The following GOLPH3L variants were observed in gnomAD, a reference collection of about 807,000 sequenced individuals.
GOLPH3L encodes Golgi phosphoprotein 3-like.
In GOLPH3L, 22 loss-of-function variants were observed where a neutral mutation model predicts 30.3. The ratio of observed to expected loss-of-function variants is 0.73; its 90% CI spans 0.52 to 1.04. The LOEUF (loss-of-function observed/expected upper bound fraction) is 1.04. GOLPH3L is among the 50% of genes least tolerant of loss of function. GOLPH3L has a pLI of 0.00. For missense variants in GOLPH3L, 303 were observed against 345.8 expected (o/e 0.88, Z 0.98); for synonymous variants, 120 against 128.2 (o/e 0.94, Z 0.43).
At chr1:150,650,831 A>G (rs1650087949) in intron 4 of GOLPH3L, among the ~76,000 whole-genome samples, 1 of 152,214 alleles carries the variant, frequency 6.6e-6, no homozygotes, top group African/African-American at 2.4e-5. Context: ...AGTATGAAGT[A>G]TACAAAGAAT....
intron 4 of GOLPH3L, among the ~76,000 whole-genome samples, chr1:150,657,227 G>A (rs1302302331): frequency 6.6e-6 from 1 of 152,144 alleles, no homozygotes; most frequent in African/African-American, 2.4e-5. Context: ...CTCACATTAG[G>A]GCTCATAAAC....
chr1:150,694,895 A>G, intron 1 of GOLPH3L, 45 bp from the exon 2 acceptor site: 1 of 1,011,990 alleles, frequency 9.9e-7, no homozygotes. Flanking sequence ...ATGCTTATGT[A>G]AATAAATCAT....
At chr1:150,695,809 A>G (rs1201269994) in intron 1 of GOLPH3L, among the ~76,000 whole-genome samples, 1 of 152,182 alleles carries the variant, frequency 6.6e-6, no homozygotes, top group East Asian at 1.9e-4. Context: ...TAGCAGCTCT[A>G]GTCCTAGCTA....
chr1:150,686,679 A>G (rs1651093393), intron 2 of GOLPH3L, among the ~76,000 whole-genome samples: 2 of 152,370 alleles, frequency 1.3e-5, no homozygotes, highest in South Asian at 2.1e-4. Flanking sequence ...GAAATGGCTG[A>G]CAGCAAGTTT....
intron 2 of GOLPH3L, among the ~76,000 whole-genome samples, chr1:150,668,866 C>T (rs1650576072): frequency 6.6e-6 from 1 of 152,032 alleles, no homozygotes; most frequent in Non-Finnish European, 1.5e-5. Flanking sequence ...ACATTTTAGC[C>T]AATATTAAAG....
rs771272265 is a variant in GOLPH3L, at chr1:150,648,714, C to G, written c.465G>C (p.Gln155His). 2 of 1,612,538 alleles carry G rather than the reference C, an allele frequency of 1.2e-6. No homozygotes were observed. The highest frequency in any genetic ancestry group is 4.5e-5 in the East Asian group (2 of 44,878). The change falls in exon 5 of 5, where the codon CAG (glutamine) becomes CAC (histidine). Residue 155 changes from glutamine to histidine, a missense_variant. Transcript: ENST00000271732. ...ETWNPFKLQYQLRNVRERIAK... is the reference protein window; with the variant it reads ...ETWNPFKLQYHLRNVRERIAK... ...CGATGCGCTCTCGTACATTTCTCAG[C>G]TGGTACTGTAATTTGAAGGGGTTCC...
chr1:150,677,574 T>A (rs1401794370), intron 2 of GOLPH3L, among the ~76,000 whole-genome samples: 2 of 151,716 alleles, frequency 1.3e-5, no homozygotes, highest in Non-Finnish European at 1.5e-5. Flanking sequence ...TGAAATATAA[T>A]TTTACTTAAC....
intron 4 of GOLPH3L, among the ~76,000 whole-genome samples, chr1:150,652,870 A>G (rs1650155807): frequency 6.6e-6 from 1 of 152,154 alleles, no homozygotes. Context: ...AATGAAGAAA[A>G]CCAGAAATGG....
intron 2 of GOLPH3L, among the ~76,000 whole-genome samples, chr1:150,675,659 C>A: frequency 6.6e-6 from 1 of 151,560 alleles, no homozygotes; most frequent in East Asian, 1.9e-4. Context: ...GCCTGTAGTC[C>A]CAGCTACTTG....
intron 4 of GOLPH3L, among the ~76,000 whole-genome samples, chr1:150,657,092 T>A (rs1650255800): frequency 6.6e-6 from 1 of 152,246 alleles, no homozygotes; most frequent in Admixed American, 6.5e-5. Flanking sequence ...ATTCTTCATA[T>A]GTGGTTCATT....
At chr1:150,661,065 T>C (rs1366014442) in intron 4 of GOLPH3L, among the ~76,000 whole-genome samples, 1 of 152,046 alleles carries the variant, frequency 6.6e-6, no homozygotes, top group Non-Finnish European at 1.5e-5. Flanking sequence ...CTGTCTCTAC[T>C]AAGAATACAA....
At chr1:150,664,880 A>G (rs1650457882) in intron 2 of GOLPH3L, among the ~76,000 whole-genome samples, 2 of 152,194 alleles carry the variant, frequency 1.3e-5, no homozygotes, top group Non-Finnish European at 1.5e-5. Context: ...ATATATTTTC[A>G]TAAGATTGTT....
At chr1:150,694,588 G>C in intron 2 of GOLPH3L, 68 bp downstream of exon 2, 2 of 939,676 alleles carry the variant, frequency 2.1e-6, no homozygotes, top group Non-Finnish European at 3.2e-6. Flanking sequence ...TATTCCATTA[G>C]GTTACTTCCT....
rs753096850 is a variant in GOLPH3L, at chr1:150,661,880, T to C, written c.364A>G (p.Thr122Ala). Residue 122 changes from threonine (T) to alanine (A), a missense_variant, in exon 4 of 5, where the codon ACT becomes GCT. By Grantham distance (58) the Thr-to-Ala change is moderately conservative. Transcript: ENST00000271732. ...TCAGTTGCTTTGATGTGTTTCAGAG[T>C]TTCATCCAGTAAAACATCACCTGTT... ...SPTGDVLLDE[T>A]LKHIKATEPT... 3 of 1,602,546 alleles carry C rather than the reference T, an allele frequency of 1.9e-6. No individual in the cohort carries two copies. The highest frequency in any genetic ancestry group is 1.1e-5 in the South Asian group (1 of 90,854).
intron 4 of GOLPH3L, among the ~76,000 whole-genome samples, chr1:150,658,642 G>A (rs1650301776): frequency 6.6e-6 from 1 of 152,180 alleles, no homozygotes; most frequent in Non-Finnish European, 1.5e-5. Flanking sequence ...TTACTGATTG[G>A]TCCCATAAGG....
At chr1:150,663,180 GCCCGC>G (rs1650413185) in intron 3 of GOLPH3L, among the ~76,000 whole-genome samples, 2 of 151,486 alleles carry the variant, frequency 1.3e-5, no homozygotes, top group African/African-American at 4.8e-5. Context: ...GACTACAGGC[GCCCGC>G]CACAATGCCC....
intron 2 of GOLPH3L, among the ~76,000 whole-genome samples, chr1:150,678,128 C>G (rs1030032505): frequency 6.6e-6 from 1 of 150,954 alleles, no homozygotes; most frequent in Non-Finnish European, 1.5e-5. Context: ...GGAGAAACCC[C>G]GTCTCTACTA....
chr1:150,689,756 C>T (rs1457193102), intron 2 of GOLPH3L, among the ~76,000 whole-genome samples: 1 of 151,908 alleles, frequency 6.6e-6, no homozygotes, highest in Non-Finnish European at 1.5e-5. Context: ...GAGATTCTCC[C>T]ATCAGCATAG....
At chr1:150,686,214 GTT>G (rs1651083502) in intron 2 of GOLPH3L, among the ~76,000 whole-genome samples, 1 of 151,706 alleles carries the variant, frequency 6.6e-6, no homozygotes, top group Non-Finnish European at 1.5e-5. Flanking sequence ...ATTTGTTTTT[GTT>G]TTGTTTTTCC....
Sources: gnomAD v4.1 joint callset for allele counts (sites outside exome capture counted in the v4.1 genomes callset) on GRCh38, gnomAD v4.1.1 for gene constraint, MANE v1.5 for transcripts, NCBI Gene and HGNC (gene_info 2026-07-23, HGNC 2026-07-21) for gene names.